Variants in EYS observed in about 807,000 individuals in gnomAD.
EYS encodes EGF-like photoreceptor maintenance factor.
In EYS, 250 loss-of-function variants were observed where a neutral mutation model predicts 282.1. That is an observed-to-expected ratio of 0.89 (90% CI 0.80 to 0.98). The LOEUF (loss-of-function observed/expected upper bound fraction) is 0.98. Ranked by LOEUF, EYS falls within the 50% of genes least tolerant of loss-of-function variation. The pLI, the probability that EYS is intolerant of heterozygous loss-of-function variation, is 0.00. For synonymous variants in EYS, 1,355 were observed against 1,282.9 expected, an observed-to-expected ratio of 1.06 and a Z score of -1.20; for missense variants, 4,016 against 3,709.0, an observed-to-expected ratio of 1.08 and a Z score of -2.15.
intron 26 of EYS, among the ~76,000 whole-genome samples, chr6:64,449,140 C>A (rs979303978): frequency 6.6e-6 from 1 of 152,076 alleles, no homozygotes; most frequent in Non-Finnish European, 1.5e-5. Context: ...ACTAGAATAA[C>A]CAATGCAGAG....
intron 19 of EYS, among the ~76,000 whole-genome samples, chr6:64,871,830 G>T (rs1766605715): frequency 6.6e-6 from 1 of 152,018 alleles, no homozygotes; most frequent in Non-Finnish European, 1.5e-5. Context: ...TTAAATCTCA[G>T]ATGTTTAAAG....
chr6:64,994,203 A>T (rs535300357), intron 14 of EYS, among the ~76,000 whole-genome samples: 2 of 152,140 alleles, frequency 1.3e-5, no homozygotes, highest in South Asian at 2.1e-4. Context: ...CTTTCAAAAG[A>T]TTATTTTTTC....
chr6:65,158,701 G>C (rs1403389592), intron 12 of EYS, among the ~76,000 whole-genome samples: 1 of 150,810 alleles, frequency 6.6e-6, no homozygotes, highest in African/African-American at 2.4e-5. Flanking sequence ...ATCTCTAAAT[G>C]AAAGTATTGT....
chr6:65,534,085 T>C (rs138013601), intron 2 of EYS, among the ~76,000 whole-genome samples: 1 of 152,238 alleles, frequency 6.6e-6, no homozygotes, highest in African/African-American at 2.4e-5. Context: ...TTTTAAAGTA[T>C]AAGCTATTTG....
chr6:64,701,031 C>A (rs1378057303), intron 22 of EYS, among the ~76,000 whole-genome samples: 1 of 151,686 alleles, frequency 6.6e-6, no homozygotes, highest in Non-Finnish European at 1.5e-5. Context: ...ACCTATAGAT[C>A]AATGAAACAG....
chr6:64,526,822 T>A (rs1436583479), intron 26 of EYS, among the ~76,000 whole-genome samples: 1 of 151,792 alleles, frequency 6.6e-6, no homozygotes, highest in African/African-American at 2.4e-5. Flanking sequence ...GAGGCATGTT[T>A]CCCAAAATCC....
At chr6:64,262,193 C>T (rs1237054707) in intron 30 of EYS, among the ~76,000 whole-genome samples, 1 of 152,024 alleles carries the variant, frequency 6.6e-6, no homozygotes, top group Non-Finnish European at 1.5e-5. Context: ...AACACTTCTT[C>T]CTTTATAATA....
intron 19 of EYS, among the ~76,000 whole-genome samples, chr6:64,882,182 C>T (rs1326833068): frequency 6.6e-6 from 1 of 151,698 alleles, no homozygotes; most frequent in Non-Finnish European, 1.5e-5. Flanking sequence ...CAATGTCTTT[C>T]TCCATTGCGT....
chr6:64,319,874 T>A (rs775614387), intron 29 of EYS, among the ~76,000 whole-genome samples: 1 of 152,012 alleles, frequency 6.6e-6, no homozygotes, highest in Non-Finnish European at 1.5e-5. Context: ...CTCATCATTG[T>A]GCCTCATCCC....
intron 12 of EYS, among the ~76,000 whole-genome samples, chr6:65,225,446 TG>T (rs1766596159): frequency 6.6e-6 from 1 of 151,884 alleles, no homozygotes; most frequent in South Asian, 2.1e-4. Flanking sequence ...CTGGGCACGG[TG>T]GCTCACGCCT....
intron 35 of EYS, among the ~76,000 whole-genome samples, chr6:63,984,073 A>G (rs1582078945): frequency 6.6e-6 from 1 of 151,744 alleles, no homozygotes; most frequent in African/African-American, 2.4e-5. Flanking sequence ...ATAGCCTCTC[A>G]TTCATATTTA....
chr6:64,076,584 G>A (rs1465781765), intron 32 of EYS, among the ~76,000 whole-genome samples: 2 of 151,808 alleles, frequency 1.3e-5, no homozygotes, highest in Non-Finnish European at 2.9e-5. Context: ...AGATCTGATG[G>A]TTTTATAAGG....
chr6:64,139,967 C>A (rs372101532), intron 31 of EYS, among the ~76,000 whole-genome samples: 18 of 143,668 alleles, frequency 1.3e-4, no homozygotes, highest in African/African-American at 3.1e-4. Context: ...GATTCTGTCT[C>A]AATAAATAAA....
intron 1 of EYS, among the ~76,000 whole-genome samples, chr6:65,684,346 T>A (rs1481231119): frequency 1.3e-5 from 2 of 152,022 alleles, no homozygotes; most frequent in Non-Finnish European, 2.9e-5. Context: ...TAATAGGCTA[T>A]AAAGAAAGCT....
intron 5 of EYS, among the ~76,000 whole-genome samples, chr6:65,437,585 T>G (rs1282544256): frequency 6.6e-6 from 1 of 152,192 alleles, no homozygotes; most frequent in Non-Finnish European, 1.5e-5. Context: ...CATATGGACA[T>G]GTTAATATAA....
At chr6:65,174,688 C>A (rs1254812773) in intron 12 of EYS, among the ~76,000 whole-genome samples, 1 of 151,272 alleles carries the variant, frequency 6.6e-6, no homozygotes, top group Admixed American at 6.6e-5. Flanking sequence ...TGTTAGCAAG[C>A]ATTTTTTATT....
At chr6:64,514,025 T>C (rs187808354) in intron 26 of EYS, among the ~76,000 whole-genome samples, 64 of 151,774 alleles carry the variant, frequency 4.2e-4, no homozygotes, top group African/African-American at 6.7e-4. Context: ...AATGTAGAAA[T>C]AATTACGATG....
chr6:65,154,190 G>A (rs1764681352), intron 12 of EYS, among the ~76,000 whole-genome samples: 2 of 151,660 alleles, frequency 1.3e-5, no homozygotes, highest in Non-Finnish European at 2.9e-5. Flanking sequence ...CATGTGATTC[G>A]ATAATTCATT....
intron 29 of EYS, among the ~76,000 whole-genome samples, chr6:64,327,175 T>G (rs1476795259): frequency 6.6e-6 from 1 of 151,978 alleles, no homozygotes; most frequent in Non-Finnish European, 1.5e-5. Context: ...AAACCAGATC[T>G]AGGACACTGT....
Sources: allele counts gnomAD v4.1 joint callset (sites outside exome capture counted in the v4.1 genomes callset), GRCh38; gene constraint gnomAD v4.1.1; transcripts MANE v1.5; gene names NCBI Gene and HGNC (gene_info 2026-07-23, HGNC 2026-07-21).